TFAP4: variants seen among roughly 807,000 people sequenced by gnomAD.
The protein encoded by TFAP4 is transcription factor AP-4, also known as activating enhancer-binding protein 4.
TFAP4 carries 7 observed loss-of-function variants against 40.4 expected under a neutral mutation model. That is an observed-to-expected ratio of 0.17 (90% CI 0.10 to 0.33). TFAP4 has a LOEUF of 0.33. Ranked by LOEUF, TFAP4 falls within the 10% of genes least tolerant of loss-of-function variation. The pLI is 1.00. For missense variants in TFAP4, 374 were observed against 451.1 expected (o/e 0.83, Z 1.55); for synonymous variants, 218 against 181.4 (o/e 1.20, Z -1.62).
chr16:4,264,181 C>G (rs2052972020), intron 1 of TFAP4: 1 of 152,502 alleles, frequency 6.6e-6, no homozygotes. Context: ...CCAAGTCTAA[C>G]TCCCCTGCTG....
chr16:4,261,859 C>T lies in TFAP4; in HGVS notation c.445G>A (p.Glu149Lys), dbSNP rs750996470. 1 of 1,613,684 alleles carries T rather than the reference C, an allele frequency of 6.2e-7. No homozygotes were observed. The highest frequency in any genetic ancestry group is 8.5e-7 in the Non-Finnish European group (1 of 1,179,896). ...SPDIWEDEKA[E>K]DLRREMIELR... is the part of the protein sequence containing the mutation. ...TCAATCATCTCCCGCCGCAGGTCCTCCGCCTTCTCGTCCTCCCAGATGTCC... is the reference window on the plus strand; with the variant it reads ...TCAATCATCTCCCGCCGCAGGTCCTTCGCCTTCTCGTCCTCCCAGATGTCC... Residue 149 changes from glutamate (E) to lysine (K), a missense_variant, in exon 4 of 7, where the codon GAG becomes AAG. By Grantham distance (56) the Glu-to-Lys change is moderately conservative. Coordinates refer to ENST00000204517, the MANE Select transcript of TFAP4 (RefSeq NM_003223.3).
rs71139626 is a variant in TFAP4 at position 4,272,954 on chromosome 16, A to ATGTGTGTGTGTGTGTGTGTG, written c.-228_-209dup. On this transcript the variant is annotated 5_prime_UTR_variant, in exon 1 of 7. Transcript: ENST00000204517. ...CCGGCCTGCCTCCCCGGGCGTGTGT[A>ATGTGTGTGTGTGTGTGTGTG]TGTGTGTGTGTGTGTGTGTGTGTGT... 45 of 156,256 alleles carry ATGTGTGTGTGTGTGTGTGTG rather than the reference A, an allele frequency of 2.9e-4. No individual in the cohort carries two copies. The highest frequency in any genetic ancestry group is 1.5e-3 in the African/African-American group (39 of 26,034). 9.7% of individuals were successfully genotyped at this position (156,256 alleles called of 1,614,324 possible).
At chr16:4,266,008 C>G (rs1567202137) in intron 1 of TFAP4, 1 of 152,412 alleles carries the variant, frequency 6.6e-6, no homozygotes, top group Admixed American at 6.5e-5. Flanking sequence ...GGGCAGGGTG[C>G]AGCCAGATGC....
chr16:4,266,145 C>T (rs1395458811), intron 1 of TFAP4: 2 of 152,298 alleles, frequency 1.3e-5, no homozygotes, highest in African/African-American at 4.8e-5. Context: ...ACCACCAGAC[C>T]CCAGTCCCGA....
At chr16:4,270,840 C>G (rs1030452979) in intron 1 of TFAP4, among the ~76,000 whole-genome samples, 3 of 152,210 alleles carry the variant, frequency 2.0e-5, no homozygotes, top group African/African-American at 7.2e-5. Flanking sequence ...TGCACCTCCG[C>G]GCTGCCCAGC....
intron 6 of TFAP4, among the ~76,000 whole-genome samples, chr16:4,259,188 C>T (rs2052924401): frequency 6.6e-6 from 1 of 152,016 alleles, no homozygotes; most frequent in East Asian, 1.9e-4. Flanking sequence ...GGCTGGAGTT[C>T]AGTGGTGCAA....
intron 6 of TFAP4, among the ~76,000 whole-genome samples, chr16:4,259,551 T>C (rs2052927333): frequency 6.6e-6 from 1 of 152,238 alleles, no homozygotes; most frequent in Non-Finnish European, 1.5e-5. Flanking sequence ...TTGATGGATT[T>C]TTTTTCCTGT....
Position 4,257,804 on chromosome 16 carries a change from A to G in TFAP4, c.*251T>C. 1 of 405,868 alleles carries G rather than the reference A, an allele frequency of 2.5e-6. No individual in the cohort carries two copies. Among genetic ancestry groups the G allele is most frequent in the Non-Finnish European group, 4.4e-6 (1 of 227,760 alleles). 25.1% of individuals were successfully genotyped at this position (405,868 alleles called of 1,614,324 possible). ...AGGCATCTCCGTGTCAGCTTCCTCC[A>G]GCCCCCGGGGCCGAGGCCCCGCCCT... On this transcript the variant is annotated 3_prime_UTR_variant, in exon 7 of 7. Transcript: ENST00000204517.
intron 6 of TFAP4, among the ~76,000 whole-genome samples, chr16:4,259,024 G>A (rs1269167777): frequency 6.6e-6 from 1 of 151,656 alleles, no homozygotes; most frequent in Admixed American, 6.6e-5. Flanking sequence ...GGAGGAGGAG[G>A]TTGCGATGAG....
In TFAP4 at chr16:4,262,359, A is replaced by G; in HGVS notation, c.319T>C (p.Leu107=). The G allele has an allele frequency of 1.9e-6, 3 of 1,614,236 alleles. No individual in the cohort carries two copies. Among genetic ancestry groups the G allele is most frequent in the Non-Finnish European group, 2.5e-6 (3 of 1,180,044 alleles). Residue 107 remains leucine (L), a synonymous_variant, in exon 3 of 7, where the codon TTG becomes CTG. Transcript: ENST00000204517. ...FSLEQEKTRL[L]QQNTQLKRFI... Reference sequence around the variant, plus strand: ...CGCTTGAGCTGTGTGTTCTGCTGCAAGAGCCTGGTCTTCTCCTGCTCCAGG... The same window carrying G: ...CGCTTGAGCTGTGTGTTCTGCTGCAGGAGCCTGGTCTTCTCCTGCTCCAGG...
rs141561659 is a variant in TFAP4 at position 4,271,696 on chromosome 16, G to T, written c.89+962C>A. ...CCGACGCTTTCGGTTTACGGCAGGG[G>T]GGAGGGGCGTTGGATGGGAAAGTTT... On this transcript the variant is annotated intron_variant, in intron 1 of 6. Transcript: ENST00000204517. Among the ~76,000 whole-genome samples the T allele has an allele frequency of 2.3e-3, 351 of 152,302 alleles. 1 individual carries two copies. The highest frequency in any genetic ancestry group is 8.1e-3 in the African/African-American group (337 of 41,570).
chr16:4,272,830 C>G lies in TFAP4; in HGVS notation c.-84G>C. On this transcript the variant is annotated 5_prime_UTR_variant, in exon 1 of 7. Transcript: ENST00000204517. ...GATGGAAATCCGAATCAAAGGGCAG[C>G]GCCGGACGGAGGTGCAGAATCGGCC... The G allele has an allele frequency of 1.6e-6, 2 of 1,232,782 alleles. No homozygotes were observed. The highest frequency in any genetic ancestry group is 2.2e-6 in the Non-Finnish European group (2 of 910,232). 76.4% of individuals were successfully genotyped at this position (1,232,782 alleles called of 1,614,324 possible). A position where few individuals can be genotyped will look rare whatever the true frequency, so the allele number is the denominator to read the frequency against.
intron 1 of TFAP4, among the ~76,000 whole-genome samples, chr16:4,268,940 T>C (rs953466320): frequency 4.6e-5 from 7 of 151,850 alleles, no homozygotes; most frequent in African/African-American, 1.7e-4. Context: ...CAGGCTAGAG[T>C]GCAGTGCTAT....
At chr16:4,265,609 C>CAAAAAAAAAAAAA (rs71394667) in intron 1 of TFAP4, 3 of 39,090 alleles carry the variant, frequency 7.7e-5, no homozygotes, top group African/African-American at 3.3e-4. Context: ...GACCTTGTCT[C>CAAAAAAAAAAAAA]AAAAAAAAAA....
rs899329697 is a variant in TFAP4, at chr16:4,257,767, CAG to C, written c.*286_*287del. ...ATTTAAAGGAAAAAATGCTTTTTGG[CAG>C]AGAGAGGCCAGGCATCTCCGTGTCA... On this transcript the variant is annotated 3_prime_UTR_variant, in exon 7 of 7. Coordinates refer to ENST00000204517, the MANE Select transcript of TFAP4 (RefSeq NM_003223.3). The C allele has an allele frequency of 6.1e-5, 21 of 341,808 alleles. No homozygotes were observed. The highest frequency in any genetic ancestry group is 4.0e-4 in the African/African-American group (19 of 47,240). 21.2% of individuals were successfully genotyped at this position (341,808 alleles called of 1,614,324 possible). A position where few individuals can be genotyped will look rare whatever the true frequency, so the allele number is the denominator to read the frequency against.
Position 4,258,020 on chromosome 16 carries a change from A to G in TFAP4, c.*35T>C. 6.3e-7 allele frequency: 1 copy of G among 1,590,882 alleles called. No individual in the cohort carries two copies. The highest frequency in any genetic ancestry group is 8.5e-7 in the Non-Finnish European group (1 of 1,169,822). ...CCCTGTGGCTGCCCCGGCTCCCTCCAGCCCCCAGAAGGGAGAGGAGGGCTG... is the reference window on the plus strand; with the variant it reads ...CCCTGTGGCTGCCCCGGCTCCCTCCGGCCCCCAGAAGGGAGAGGAGGGCTG... On this transcript the variant is annotated 3_prime_UTR_variant, in exon 7 of 7. Coordinates refer to ENST00000204517, the MANE Select transcript of TFAP4 (RefSeq NM_003223.3).
chr16:4,259,472 T>A (rs2052926785), intron 6 of TFAP4, among the ~76,000 whole-genome samples: 1 of 152,228 alleles, frequency 6.6e-6, no homozygotes, highest in African/African-American at 2.4e-5. Flanking sequence ...TATTAACTTA[T>A]TAAAGGCGTT....
At position 4,262,442 on chromosome 16, in the gene TFAP4, G is replaced by T. The variant is rs780975353; in HGVS notation, c.256-20C>A. The T allele has an allele frequency of 6.2e-7, 1 of 1,613,946 alleles. No homozygotes were observed. Among genetic ancestry groups the T allele is most frequent in the Admixed American group, 1.7e-5 (1 of 60,024 alleles). ...GGCTGCCTGAGGGCGTGGAAAAGCC[G>T]AGAGTCAGGCTGGCAGTGTTTACCA... On this transcript the variant is annotated intron_variant, in intron 2 of 6. Transcript: ENST00000204517.
In TFAP4 at chr16:4,260,265, A is replaced by G; in HGVS notation, c.667-20T>C. 1 of 1,542,952 alleles carries G rather than the reference A, an allele frequency of 6.5e-7. No individual in the cohort carries two copies. The highest frequency in any genetic ancestry group is 8.7e-7 in the Non-Finnish European group (1 of 1,147,984). On this transcript the variant is annotated intron_variant, in intron 5 of 6. Coordinates refer to ENST00000204517, the MANE Select transcript of TFAP4 (RefSeq NM_003223.3). ...CAGAAGCTGCAAGACAGAGGCCCTCAGCCTTTCTCTCAAGGCTTCTCTTGG... is the reference window on the plus strand; with the variant it reads ...CAGAAGCTGCAAGACAGAGGCCCTCGGCCTTTCTCTCAAGGCTTCTCTTGG...
Sources: gnomAD v4.1 joint callset for allele counts (sites outside exome capture counted in the v4.1 genomes callset) on GRCh38, gnomAD v4.1.1 for gene constraint, MANE v1.5 for transcripts, NCBI Gene and HGNC (gene_info 2026-07-23, HGNC 2026-07-21) for gene names.